Variants in PDE7B observed in about 807,000 individuals in gnomAD.
PDE7B encodes 3',5'-cyclic-AMP phosphodiesterase 7B.
In PDE7B, 29 loss-of-function variants were observed where a neutral mutation model predicts 56.2. The observed-to-expected ratio is 0.52, with a 90% CI of 0.38 to 0.70. PDE7B has a LOEUF of 0.70. Ranked by LOEUF, PDE7B falls within the 30% of genes least tolerant of loss-of-function variation. The probability of loss-of-function intolerance (pLI) is 0.00; values close to 1 mark genes in which losing one functional copy is unlikely to be tolerated. For synonymous variants in PDE7B, 197 were observed against 196.9 expected, an observed-to-expected ratio of 1.00 and a Z score of 0.00; for missense variants, 490 against 565.0, an observed-to-expected ratio of 0.87 and a Z score of 1.35.
At chr6:135,990,779 G>T (rs1052237035) in intron 2 of PDE7B, among the ~76,000 whole-genome samples, 3 of 152,168 alleles carry the variant, frequency 2.0e-5, no homozygotes, top group African/African-American at 7.2e-5. Flanking sequence ...CCCAAGAGAG[G>T]GTTCTTGGAT....
At chr6:136,083,956 T>G (rs1304449433) in intron 2 of PDE7B, among the ~76,000 whole-genome samples, 1 of 152,224 alleles carries the variant, frequency 6.6e-6, no homozygotes, top group African/African-American at 2.4e-5. Context: ...TTGCCTGTAC[T>G]CACTGAAATT....
intron 1 of PDE7B, among the ~76,000 whole-genome samples, chr6:135,936,806 T>G (rs1173401379): frequency 6.6e-6 from 1 of 152,204 alleles, no homozygotes; most frequent in Non-Finnish European, 1.5e-5. Flanking sequence ...CAGTGCATTC[T>G]CAACGCTCAC....
intron 11 of PDE7B, among the ~76,000 whole-genome samples, chr6:136,182,560 G>C (rs1779083495): frequency 6.6e-6 from 1 of 152,168 alleles, no homozygotes; most frequent in African/African-American, 2.4e-5. Flanking sequence ...TAGCCCACTT[G>C]GTTTTGACTC....
intron 2 of PDE7B, chr6:136,064,427 A>C (rs1290058169): frequency 6.6e-6 from 1 of 152,202 alleles, no homozygotes; most frequent in Non-Finnish European, 1.5e-5. Flanking sequence ...GGCTAGGAAC[A>C]AGCTGCTCAA....
intron 2 of PDE7B, among the ~76,000 whole-genome samples, chr6:136,040,585 T>TG (rs1776397115): frequency 6.6e-6 from 1 of 152,198 alleles, no homozygotes; most frequent in African/African-American, 2.4e-5. Flanking sequence ...TCTGGCATTT[T>TG]TTTGTTTGTT....
chr6:136,066,148 C>T (rs6932515), intron 2 of PDE7B, among the ~76,000 whole-genome samples: 58,848 of 152,040 alleles, frequency 0.39, 11,472 homozygotes, highest in South Asian at 0.48. Flanking sequence ...CTTCTACCTG[C>T]GAGGCAATAC....
At chr6:136,043,319 C>T (rs1776443305) in intron 2 of PDE7B, among the ~76,000 whole-genome samples, 2 of 152,232 alleles carry the variant, frequency 1.3e-5, no homozygotes, top group Middle Eastern at 6.8e-3. Flanking sequence ...ATGAATGACT[C>T]ATGAAAGGTT....
chr6:136,095,149 G>T (rs1185064802), intron 2 of PDE7B, among the ~76,000 whole-genome samples: 2 of 152,018 alleles, frequency 1.3e-5, no homozygotes, highest in Non-Finnish European at 2.9e-5. Context: ...AATTAATTTT[G>T]ATAAACCTGC....
intron 9 of PDE7B, 29 bp from the exon 10 acceptor site, chr6:136,178,968 G>T (rs751302863): frequency 1.1e-5 from 18 of 1,613,066 alleles, no homozygotes; most frequent in Middle Eastern, 1.6e-4. Flanking sequence ...CTTTGTGTGT[G>T]TTTTTCTCTT....
At chr6:136,128,606 T>C (rs902716000) in intron 3 of PDE7B, among the ~76,000 whole-genome samples, 1 of 152,140 alleles carries the variant, frequency 6.6e-6, no homozygotes, top group Non-Finnish European at 1.5e-5. Context: ...TTCCTTTGAC[T>C]TTTACCCCTT....
At chr6:136,001,268 C>T (rs924534355) in intron 2 of PDE7B, among the ~76,000 whole-genome samples, 5 of 152,178 alleles carry the variant, frequency 3.3e-5, no homozygotes, top group Non-Finnish European at 7.3e-5. Context: ...AGCAGAAAAA[C>T]TGGAAACTCT....
intron 1 of PDE7B, among the ~76,000 whole-genome samples, chr6:135,942,200 T>A (rs559848298): frequency 3.9e-5 from 6 of 152,288 alleles, no homozygotes; most frequent in African/African-American, 1.4e-4. Flanking sequence ...AATTTTTTTA[T>A]AACTAAACGT....
chr6:135,949,018 C>A (rs575542011), intron 2 of PDE7B, among the ~76,000 whole-genome samples: 1 of 152,078 alleles, frequency 6.6e-6, no homozygotes, highest in East Asian at 1.9e-4. Context: ...ACCATCACAT[C>A]AAATAATCTA....
chr6:135,905,158 G>A (rs924823544), intron 1 of PDE7B, among the ~76,000 whole-genome samples: 2 of 152,152 alleles, frequency 1.3e-5, no homozygotes, highest in African/African-American at 4.8e-5. Flanking sequence ...AAATACAGTT[G>A]ATTGAAAATA....
intron 10 of PDE7B, among the ~76,000 whole-genome samples, chr6:136,179,703 C>T (rs1425920730): frequency 6.6e-6 from 1 of 152,164 alleles, no homozygotes; most frequent in Non-Finnish European, 1.5e-5. Flanking sequence ...AACTATAGTA[C>T]ATACAAAAAT....
At chr6:136,062,323 A>G (rs1583858990) in intron 2 of PDE7B, among the ~76,000 whole-genome samples, 2 of 152,314 alleles carry the variant, frequency 1.3e-5, no homozygotes, top group East Asian at 3.9e-4. Flanking sequence ...AAGCTAATTA[A>G]TATATCCATC....
At chr6:135,969,892 A>C (rs1305893783) in intron 2 of PDE7B, among the ~76,000 whole-genome samples, 1 of 152,210 alleles carries the variant, frequency 6.6e-6, no homozygotes, top group African/African-American at 2.4e-5. Flanking sequence ...GATAGGAAAG[A>C]GAAAATAACC....
At chr6:135,997,335 G>A (rs1775582674) in intron 2 of PDE7B, among the ~76,000 whole-genome samples, 1 of 139,566 alleles carries the variant, frequency 7.2e-6, no homozygotes, top group East Asian at 2.2e-4. Flanking sequence ...GATAGCTTGA[G>A]CCTGGAAGGT....
chr6:135,992,815 C>T (rs1187173978), intron 2 of PDE7B, among the ~76,000 whole-genome samples: 1 of 152,110 alleles, frequency 6.6e-6, no homozygotes, highest in Non-Finnish European at 1.5e-5. Context: ...AACTCTGTTC[C>T]ATAAGTGGGA....
Sources: allele counts gnomAD v4.1 joint callset (sites outside exome capture counted in the v4.1 genomes callset), GRCh38; gene constraint gnomAD v4.1.1; transcripts MANE v1.5; gene names NCBI Gene and HGNC (gene_info 2026-07-23, HGNC 2026-07-21).